Variants in GRAMD1B observed in about 807,000 individuals in gnomAD.
GRAMD1B encodes the protein protein Aster-B.
GRAMD1B carries 37 observed loss-of-function variants against 99.7 expected under a neutral mutation model. The observed-to-expected ratio is 0.37, with a 90% CI of 0.29 to 0.49. The LOEUF is 0.49. Among genes scored for constraint, GRAMD1B ranks in the 20% least tolerant of loss-of-function variants. The probability of loss-of-function intolerance (pLI) is 0.98; values close to 1 mark genes in which losing one functional copy is unlikely to be tolerated. For missense variants in GRAMD1B, 888 were observed against 1,009.2 expected (o/e 0.88, Z 1.63); for synonymous variants, 427 against 387.6 (o/e 1.10, Z -1.19).
chr11:123,452,292 T>A (rs1019544862), intron 1 of GRAMD1B, among the ~76,000 whole-genome samples: 8 of 152,226 alleles, frequency 5.3e-5, no homozygotes, highest in Admixed American at 1.3e-4. Context: ...CAGCAGTAAC[T>A]GTTACATTTG....
chr11:123,501,511 C>T (rs1037976715), intron 2 of GRAMD1B, among the ~76,000 whole-genome samples: 4 of 152,156 alleles, frequency 2.6e-5, no homozygotes, highest in African/African-American at 9.7e-5. Context: ...ACTTCTCCTC[C>T]AGCAAAGAAA....
At chr11:123,398,378 G>A (rs1318994765) in intron 1 of GRAMD1B, among the ~76,000 whole-genome samples, 1 of 152,172 alleles carries the variant, frequency 6.6e-6, no homozygotes, top group East Asian at 1.9e-4. Context: ...GCTGCCAATT[G>A]CATCATAAGA....
chr11:123,595,704 C>G (rs1185909418), intron 6 of GRAMD1B, among the ~76,000 whole-genome samples: 1 of 152,146 alleles, frequency 6.6e-6, no homozygotes, highest in Admixed American at 6.6e-5. Flanking sequence ...AATTAGAAAG[C>G]TCTTTGCCCA....
chr11:123,576,708 G>A (rs111235881), intron 2 of GRAMD1B, among the ~76,000 whole-genome samples: 407 of 152,294 alleles, frequency 2.7e-3, no homozygotes, highest in Middle Eastern at 0.014. Context: ...AACCCACATG[G>A]CTTCCTTACA....
chr11:123,611,234 A>G (rs897198276), intron 14 of GRAMD1B, among the ~76,000 whole-genome samples: 1 of 152,256 alleles, frequency 6.6e-6, no homozygotes, highest in East Asian at 1.9e-4. Flanking sequence ...CCAGGAGTTC[A>G]AGACCAGCCT....
intron 2 of GRAMD1B, among the ~76,000 whole-genome samples, chr11:123,546,565 C>T (rs1429103961): frequency 6.6e-6 from 1 of 152,122 alleles, no homozygotes; most frequent in Non-Finnish European, 1.5e-5. Context: ...ACTGAGCTGC[C>T]CAGCTTCAAT....
upstream of GRAMD1B, among the ~76,000 whole-genome samples, chr11:123,425,843 C>T (rs930907758): frequency 6.6e-6 from 1 of 152,216 alleles, no homozygotes; most frequent in Admixed American, 6.5e-5. Flanking sequence ...TCTGACCCTT[C>T]TTAAAGTAGT....
At chr11:123,593,295 G>A (rs1325598345) in intron 4 of GRAMD1B, among the ~76,000 whole-genome samples, 1 of 152,170 alleles carries the variant, frequency 6.6e-6, no homozygotes, top group Non-Finnish European at 1.5e-5. Flanking sequence ...CAGGATTTCT[G>A]TGTATTCAGC....
At chr11:123,384,213 G>A (rs1350674907) in intron 1 of GRAMD1B, among the ~76,000 whole-genome samples, 3 of 152,106 alleles carry the variant, frequency 2.0e-5, no homozygotes, top group African/African-American at 4.8e-5. Context: ...ATTGCCCTAA[G>A]TGTCTTACCA....
chr11:123,567,142 C>T (rs996814241), intron 2 of GRAMD1B, among the ~76,000 whole-genome samples: 24 of 152,186 alleles, frequency 1.6e-4, no homozygotes, highest in Middle Eastern at 3.4e-3. Context: ...GAGTTCCAGG[C>T]GGTGGGACCA....
chr11:123,447,526 C>T (rs1949696802), intron 1 of GRAMD1B, among the ~76,000 whole-genome samples: 1 of 152,170 alleles, frequency 6.6e-6, no homozygotes, highest in Admixed American at 6.6e-5. Context: ...CCTAGGACGA[C>T]TGCCCCAGCA....
chr11:123,519,305 G>A (rs1941969896), intron 2 of GRAMD1B, among the ~76,000 whole-genome samples: 1 of 152,240 alleles, frequency 6.6e-6, no homozygotes, highest in Non-Finnish European at 1.5e-5. Context: ...TGCCAAGGGA[G>A]GGAGAGGACA....
intron 1 of GRAMD1B, among the ~76,000 whole-genome samples, chr11:123,363,572 T>C (rs73023728): frequency 7.9e-5 from 12 of 151,792 alleles, no homozygotes; most frequent in Non-Finnish European, 1.5e-4. Context: ...CTCTCATACT[T>C]TTTTTTTGTT....
intron 2 of GRAMD1B, among the ~76,000 whole-genome samples, chr11:123,513,601 C>CTCTTTCTTTCTTTCTTT (rs1591772451): frequency 5.4e-5 from 2 of 37,350 alleles, no homozygotes; most frequent in African/African-American, 1.4e-4. Context: ...TTCCTTCCTT[C>CTCTTTCTTTCTTTCTTT]CTTCCTTCCT....
intron 2 of GRAMD1B, among the ~76,000 whole-genome samples, chr11:123,539,328 G>A (rs982606711): frequency 6.6e-6 from 1 of 152,140 alleles, no homozygotes; most frequent in East Asian, 1.9e-4. Context: ...TGGGTTAAAT[G>A]TGGTGGCTCA....
intron 1 of GRAMD1B, among the ~76,000 whole-genome samples, chr11:123,395,233 A>T (rs1479542776): frequency 6.6e-6 from 1 of 152,192 alleles, no homozygotes; most frequent in Non-Finnish European, 1.5e-5. Flanking sequence ...CTGCAAAGGT[A>T]TTATTGTGTA....
chr11:123,551,488 AGAT>A (rs1945607127), intron 2 of GRAMD1B, among the ~76,000 whole-genome samples: 1 of 152,172 alleles, frequency 6.6e-6, no homozygotes, highest in Non-Finnish European at 1.5e-5. Context: ...TCCCCTTCAC[AGAT>A]GGGACTTCTA....
chr11:123,394,012 T>C (rs1229609339), intron 1 of GRAMD1B, among the ~76,000 whole-genome samples: 2 of 152,206 alleles, frequency 1.3e-5, no homozygotes, highest in African/African-American at 4.8e-5. Context: ...TCTGAAAAGG[T>C]CATCCTTATT....
intron 1 of GRAMD1B, among the ~76,000 whole-genome samples, chr11:123,420,811 C>T (rs1948407051): frequency 6.6e-6 from 1 of 152,220 alleles, no homozygotes. Context: ...TGCAGTTCTT[C>T]ATCTCTCTGA....
Sources: allele counts gnomAD v4.1 joint callset (sites outside exome capture counted in the v4.1 genomes callset), GRCh38; gene constraint gnomAD v4.1.1; transcripts MANE v1.5; gene names NCBI Gene and HGNC (gene_info 2026-07-23, HGNC 2026-07-21).